METTL24: variants seen among roughly 807,000 people sequenced by gnomAD.
METTL24 encodes the protein methyltransferase like 24.
Under a neutral mutation model 32.7 loss-of-function variants are expected in METTL24, and 29 were observed. The ratio of observed to expected loss-of-function variants is 0.89; its 90% CI spans 0.66 to 1.21. The LOEUF is 1.21. Among genes scored for constraint, METTL24 ranks in the 50% most tolerant of loss-of-function variants. The pLI, the probability that METTL24 is intolerant of heterozygous loss-of-function variation, is 0.00. For missense variants in METTL24, 439 were observed against 468.1 expected (o/e 0.94, Z 0.57); for synonymous variants, 163 against 179.5 (o/e 0.91, Z 0.73).
chr6:110,265,814 G>T (rs990040349), intron 4 of METTL24, among the ~76,000 whole-genome samples: 1 of 150,074 alleles, frequency 6.7e-6, no homozygotes, highest in Non-Finnish European at 1.5e-5. Flanking sequence ...TTATGTAAGA[G>T]AAGGAAGAAA....
intron 1 of METTL24, among the ~76,000 whole-genome samples, chr6:110,328,050 T>C (rs1171355943): frequency 6.6e-6 from 1 of 152,196 alleles, no homozygotes; most frequent in Non-Finnish European, 1.5e-5. Context: ...ATTGGTCTGT[T>C]TGTCTGTCCC....
chr6:110,356,643 C>T (rs575835162), intron 1 of METTL24, among the ~76,000 whole-genome samples: 2 of 152,220 alleles, frequency 1.3e-5, no homozygotes, highest in African/African-American at 4.8e-5. Flanking sequence ...CGTTTTGTGC[C>T]TCCAGCACCA....
chr6:110,358,246 C>A lies in METTL24; in HGVS notation c.27G>T (p.Arg9Ser). MARERPPGRGCGVLRRCLL... is the reference protein window; with the variant it reads MARERPPGSGCGVLRRCLL... ...GACACCGGCGCAGGACGCCGCAGCC[C>A]CTCCCGGGCGGCCTCTCCCGGGCCA... The change falls in exon 1 of 5, where the codon AGG becomes AGT. Residue 9 changes from arginine to serine, a missense_variant. Physicochemically the swap from Arg to Ser is moderately radical, Grantham distance 110. Coordinates refer to ENST00000338882, the MANE Select transcript of METTL24 (RefSeq NM_001123364.3). 1.3e-6 allele frequency: 2 copies of A among 1,485,662 alleles called. No individual in the cohort carries two copies. Among genetic ancestry groups the A allele is most frequent in the Non-Finnish European group, 1.8e-6 (2 of 1,125,050 alleles). The allele number at this position is 1,485,662 out of a possible 1,614,324, so 92.0% of individuals were successfully genotyped here. A position where few individuals can be genotyped will look rare whatever the true frequency, so the allele number is the denominator to read the frequency against.
At chr6:110,348,336 A>G (rs573469490) in intron 1 of METTL24, among the ~76,000 whole-genome samples, 1 of 152,256 alleles carries the variant, frequency 6.6e-6, no homozygotes, top group Non-Finnish European at 1.5e-5. Flanking sequence ...ATATGAGCCC[A>G]TCTTATAGAT....
At chr6:110,259,083 C>T (rs150619084) in intron 4 of METTL24, among the ~76,000 whole-genome samples, 161 of 152,228 alleles carry the variant, frequency 1.1e-3, no homozygotes, top group African/African-American at 3.7e-3. Flanking sequence ...ACTGAGCTAC[C>T]GGGTTCATCT....
intron 4 of METTL24, among the ~76,000 whole-genome samples, chr6:110,285,698 G>A (rs17071389): frequency 0.13 from 19,558 of 152,214 alleles, 2,869 homozygotes; most frequent in African/African-American, 0.36. Context: ...TGTGCTCACT[G>A]AACGTAACAT....
intron 1 of METTL24, among the ~76,000 whole-genome samples, chr6:110,340,459 AC>A (rs747395075): frequency 6.6e-5 from 10 of 152,226 alleles, no homozygotes; most frequent in Non-Finnish European, 1.5e-4. Context: ...TTAACCTGGC[AC>A]TCATGCCTCC....
intron 3 of METTL24, among the ~76,000 whole-genome samples, chr6:110,305,671 A>C (rs1771614304): frequency 6.6e-6 from 1 of 152,060 alleles, no homozygotes; most frequent in Non-Finnish European, 1.5e-5. Context: ...AAAAGTCAGG[A>C]AACAACAGAT....
intron 1 of METTL24, among the ~76,000 whole-genome samples, chr6:110,356,872 A>G (rs72937903): frequency 0.24 from 36,757 of 152,208 alleles, 4,885 homozygotes; most frequent in African/African-American, 0.34. Flanking sequence ...TGGTGTGGAA[A>G]AACGGAGGGC....
chr6:110,320,659 T>C (rs550923247), intron 2 of METTL24, among the ~76,000 whole-genome samples: 1 of 152,330 alleles, frequency 6.6e-6, no homozygotes, highest in Non-Finnish European at 1.5e-5. Flanking sequence ...ATAATAATTA[T>C]ACATCCAGTT....
chr6:110,256,019 A>G (rs972939779), intron 4 of METTL24, among the ~76,000 whole-genome samples: 20 of 152,184 alleles, frequency 1.3e-4, no homozygotes, highest in Non-Finnish European at 8.8e-5. Flanking sequence ...TTGTGTTTTA[A>G]GCATATACTA....
intron 1 of METTL24, among the ~76,000 whole-genome samples, chr6:110,347,663 G>A (rs1271930728): frequency 2.0e-5 from 3 of 152,174 alleles, no homozygotes; most frequent in Non-Finnish European, 4.4e-5. Context: ...CAGTTAATAG[G>A]AAATTTGTAA....
At chr6:110,316,439 C>A (rs1771820712) in intron 2 of METTL24, among the ~76,000 whole-genome samples, 1 of 152,188 alleles carries the variant, frequency 6.6e-6, no homozygotes, top group South Asian at 2.1e-4. Context: ...AGTATTTTCC[C>A]CCAATCCCTT....
chr6:110,257,660 G>A (rs1010435607), intron 4 of METTL24, among the ~76,000 whole-genome samples: 6 of 152,158 alleles, frequency 3.9e-5, no homozygotes, highest in South Asian at 2.1e-4. Context: ...CCCAGCTGCC[G>A]ATGATGCTGC....
chr6:110,319,438 T>TAGAC (rs1241820193), intron 2 of METTL24, among the ~76,000 whole-genome samples: 1 of 151,798 alleles, frequency 6.6e-6, no homozygotes, highest in Non-Finnish European at 1.5e-5. Context: ...GATAGATAGA[T>TAGAC]AGATAGATAG....
intron 4 of METTL24, among the ~76,000 whole-genome samples, chr6:110,257,383 T>C (rs73765689): frequency 0.013 from 1,926 of 152,320 alleles, 33 homozygotes; most frequent in African/African-American, 0.045. Context: ...CATATGGCCA[T>C]TTTAATTTTA....
rs904358674 is a variant in METTL24, at chr6:110,244,077, G to A, written c.*1869C>T. Among the ~76,000 whole-genome samples, 6 of 152,136 alleles carry A rather than the reference G, an allele frequency of 3.9e-5. No homozygotes were observed. The highest frequency in any genetic ancestry group is 2.1e-4 in the South Asian group (1 of 4,830). ...CTTAACTTTTAATGTAGAAAGGATC[G>A]GTGCTATTGAAAAACTGTCTAACTA... On this transcript the variant is annotated 3_prime_UTR_variant, in exon 5 of 5. Transcript: ENST00000338882.
At chr6:110,350,101 T>C (rs969966551) in intron 1 of METTL24, among the ~76,000 whole-genome samples, 1 of 152,244 alleles carries the variant, frequency 6.6e-6, no homozygotes, top group African/African-American at 2.4e-5. Flanking sequence ...GTCACATGAA[T>C]GCACTTTGGG....
intron 1 of METTL24, among the ~76,000 whole-genome samples, chr6:110,329,370 G>C (rs982276555): frequency 6.6e-6 from 1 of 152,144 alleles, no homozygotes; most frequent in Non-Finnish European, 1.5e-5. Context: ...TAAGCTTTCT[G>C]GGAGAAACAA....
Sources: gnomAD v4.1 joint callset for allele counts (sites outside exome capture counted in the v4.1 genomes callset) on GRCh38, gnomAD v4.1.1 for gene constraint, MANE v1.5 for transcripts, NCBI Gene and HGNC (gene_info 2026-07-23, HGNC 2026-07-21) for gene names.